Variants in WASL observed in about 807,000 individuals in gnomAD.
The protein encoded by WASL is WASP like actin nucleation promoting factor, also known as actin nucleation-promoting factor WASL.
Under a neutral mutation model 55.5 loss-of-function variants are expected in WASL, and 20 were observed. The observed-to-expected ratio is 0.36, with a 90% confidence interval of 0.25 to 0.52. The LOEUF is 0.52. Ranked by LOEUF, WASL falls within the 20% of genes least tolerant of loss-of-function variation. WASL has a pLI of 0.92. For synonymous variants in WASL, 249 were observed against 217.6 expected (o/e 1.14, Z -1.27); for missense variants, 504 against 622.5 (o/e 0.81, Z 2.03).
chr7:123,724,722 T>C (rs1804013520), intron 1 of WASL, among the ~76,000 whole-genome samples: 1 of 152,220 alleles, frequency 6.6e-6, no homozygotes, highest in Admixed American at 6.5e-5. Context: ...AAACAATTTT[T>C]CAGAACATTA....
intron 1 of WASL, among the ~76,000 whole-genome samples, chr7:123,735,654 G>C (rs146651433): frequency 2.1e-4 from 32 of 152,224 alleles, no homozygotes; most frequent in African/African-American, 7.2e-4. Context: ...GAAAAATACA[G>C]TGGACGGTTT....
At chr7:123,734,123 CTGA>C (rs1316921234) in intron 1 of WASL, among the ~76,000 whole-genome samples, 1 of 152,126 alleles carries the variant, frequency 6.6e-6, no homozygotes, top group South Asian at 2.1e-4. Context: ...AAAGAAAAAG[CTGA>C]TGAACTGGAT....
rs1803244488 is a variant in WASL at position 123,683,993 on chromosome 7, A to T, written c.*526T>A. On this transcript the variant is annotated 3_prime_UTR_variant, in exon 11 of 11. Transcript: ENST00000223023. The stretch of plus-strand genomic sequence containing the variant: ...GCATATTGCTAAAATTTGAGAAACT[A>T]CATCGGTGTAGTGATGTCTACAGAA... 6.6e-6 allele frequency: 1 copy of T among 151,994 alleles called. No individual in the cohort carries two copies. Among genetic ancestry groups the T allele is most frequent in the African/African-American group, 2.4e-5 (1 of 41,416 alleles). 9.4% of individuals were successfully genotyped at this position (151,994 alleles called of 1,614,324 possible). A position where few individuals can be genotyped will look rare whatever the true frequency, so the allele number is the denominator to read the frequency against.
chr7:123,715,179 C>T (rs1803820239), intron 1 of WASL, among the ~76,000 whole-genome samples: 1 of 152,140 alleles, frequency 6.6e-6, no homozygotes, highest in South Asian at 2.1e-4. Flanking sequence ...TATTATCTTC[C>T]TCCACTTATG....
intron 5 of WASL, among the ~76,000 whole-genome samples, chr7:123,700,571 C>T (rs1444395421): frequency 3.3e-5 from 5 of 152,066 alleles, no homozygotes; most frequent in Admixed American, 1.3e-4. Flanking sequence ...TCCCAGGTGG[C>T]TGGGACTACA....
rs544913997 is a variant in WASL, at chr7:123,721,431, A to G, written c.118-12208T>C. On this transcript the variant is annotated intron_variant, in intron 1 of 10. Coordinates refer to ENST00000223023, the MANE Select transcript of WASL (RefSeq NM_003941.4). Reference sequence around the variant, plus strand: ...ATAAGGTAAAGGTAAGGGCTTTGTAACAAGTAACAGTTTAAATTCAACATA... The same window carrying G: ...ATAAGGTAAAGGTAAGGGCTTTGTAGCAAGTAACAGTTTAAATTCAACATA... 8.6e-4 allele frequency among the ~76,000 whole-genome samples: 131 copies of G among 152,298 alleles called. 1 individual carries two copies. Among genetic ancestry groups the G allele is most frequent in the Non-Finnish European group, 1.2e-3 (84 of 68,014 alleles).
chr7:123,719,721 G>A (rs971435258), intron 1 of WASL, among the ~76,000 whole-genome samples: 1 of 152,184 alleles, frequency 6.6e-6, no homozygotes, highest in Non-Finnish European at 1.5e-5. Context: ...TATCCTGGCA[G>A]TCAGCTCCTC....
intron 9 of WASL, among the ~76,000 whole-genome samples, chr7:123,690,502 T>C (rs915331779): frequency 1.1e-5 from 1 of 89,316 alleles, no homozygotes; most frequent in African/African-American, 3.9e-5. Context: ...ATGCCAATAG[T>C]TCACTGATTA....
chr7:123,717,592 A>G (rs10225428), intron 1 of WASL, among the ~76,000 whole-genome samples: 112,917 of 152,174 alleles, frequency 0.74, 42,149 homozygotes, highest in South Asian at 0.83. Flanking sequence ...CTACATGGAC[A>G]CTTCAGGGGT....
At chr7:123,712,767 TAAG>T (rs1803779316) in intron 1 of WASL, among the ~76,000 whole-genome samples, 2 of 152,170 alleles carry the variant, frequency 1.3e-5, no homozygotes, top group African/African-American at 4.8e-5. Context: ...GGCCCAAAAC[TAAG>T]AAAACTCCCA....
chr7:123,744,135 T>C (rs964424015), intron 1 of WASL, among the ~76,000 whole-genome samples: 3 of 152,182 alleles, frequency 2.0e-5, no homozygotes, highest in African/African-American at 7.2e-5. Flanking sequence ...CCTGTATGCC[T>C]ATGTAAGAAT....
chr7:123,734,078 T>C (rs1804185971), intron 1 of WASL, among the ~76,000 whole-genome samples: 1 of 152,094 alleles, frequency 6.6e-6, no homozygotes, highest in Admixed American at 6.6e-5. Context: ...GTGATGACTT[T>C]TTAGATACAA....
chr7:123,728,114 AC>A (rs1804081277), intron 1 of WASL, among the ~76,000 whole-genome samples: 1 of 152,258 alleles, frequency 6.6e-6, no homozygotes, highest in South Asian at 2.1e-4. Flanking sequence ...TAAGACTCTT[AC>A]AAAAAGCATG....
intron 9 of WASL, among the ~76,000 whole-genome samples, chr7:123,690,103 G>C (rs186965321): frequency 2.0e-5 from 3 of 152,238 alleles, no homozygotes; most frequent in Admixed American, 2.0e-4. Flanking sequence ...AAAGATAACA[G>C]AGAGTTTCAG....
rs549031886 is a variant in WASL, at chr7:123,687,440, T to A, written c.1456+1602A>T. Among the ~76,000 whole-genome samples, 10 of 152,286 alleles carry A rather than the reference T, an allele frequency of 6.6e-5. No individual in the cohort carries two copies. In the South Asian group the frequency reaches 1.2e-3, roughly 19 times the overall value. On this transcript the variant is annotated intron_variant, in intron 10 of 10. Transcript: ENST00000223023. ...CAAGCTCCGTGATCTCCTCATTGTT[T>A]CTCAACCTCACAGACTTTATATTTT...
chr7:123,713,367 G>T (rs1584864828), intron 1 of WASL, among the ~76,000 whole-genome samples: 1 of 151,968 alleles, frequency 6.6e-6, no homozygotes, highest in Admixed American at 6.6e-5. Flanking sequence ...TACGCAGGCT[G>T]GTCTCAAACT....
intron 1 of WASL, among the ~76,000 whole-genome samples, chr7:123,718,700 T>C (rs75877446): frequency 0.097 from 14,838 of 152,224 alleles, 904 homozygotes; most frequent in Non-Finnish European, 0.13. Context: ...CAGCCCCATA[T>C]AATATTTTTA....
intron 1 of WASL, among the ~76,000 whole-genome samples, chr7:123,715,844 G>A (rs941322068): frequency 1.3e-5 from 2 of 152,122 alleles, no homozygotes; most frequent in African/African-American, 4.8e-5. Context: ...ATCAAAATTA[G>A]ATGTTAAAAC....
At chr7:123,743,889 C>A (rs1804388749) in intron 1 of WASL, among the ~76,000 whole-genome samples, 1 of 152,214 alleles carries the variant, frequency 6.6e-6, no homozygotes, top group African/African-American at 2.4e-5. Flanking sequence ...TTGGACTTTT[C>A]TGAATCTCTT....
Sources: gnomAD v4.1 joint callset for allele counts (sites outside exome capture counted in the v4.1 genomes callset) on GRCh38, gnomAD v4.1.1 for gene constraint, MANE v1.5 for transcripts, NCBI Gene and HGNC (gene_info 2026-07-23, HGNC 2026-07-21) for gene names.